MAP7: variants seen among roughly 807,000 people sequenced by gnomAD.
The protein encoded by MAP7 is ensconsin.
MAP7 carries 52 observed loss-of-function variants against 94.8 expected under a neutral mutation model. The observed-to-expected ratio is 0.55, with a 90% CI of 0.44 to 0.69. The LOEUF (loss-of-function observed/expected upper bound fraction) is 0.69. MAP7 is among the 30% of genes least tolerant of loss of function. The pLI is 0.00. For missense variants in MAP7, 940 were observed against 964.6 expected, an observed-to-expected ratio of 0.97 and a Z score of 0.34; for synonymous variants, 350 against 357.0, an observed-to-expected ratio of 0.98 and a Z score of 0.22.
At chr6:136,369,260 G>A (rs1269001150) in intron 8 of MAP7, among the ~76,000 whole-genome samples, 3 of 152,154 alleles carry the variant, frequency 2.0e-5, no homozygotes, top group African/African-American at 7.2e-5. Context: ...GTACTGTGTG[G>A]TAATGGTATC....
chr6:136,375,611 A>G (rs1775879009), intron 7 of MAP7, among the ~76,000 whole-genome samples: 1 of 152,238 alleles, frequency 6.6e-6, no homozygotes, highest in Admixed American at 6.5e-5. Context: ...TAATCGGAAG[A>G]GATGTTTGCA....
At chr6:136,516,497 A>G (rs1824885444) in intron 1 of MAP7, among the ~76,000 whole-genome samples, 1 of 152,162 alleles carries the variant, frequency 6.6e-6, no homozygotes, top group South Asian at 2.1e-4. Flanking sequence ...GTAGGTGTTG[A>G]CCAGGGAGAG....
Position 136,525,977 on chromosome 6 carries a change from TG to T in MAP7, c.67+24364del, listed in dbSNP as rs1827720265. ...CTGATCCAGGCATACCGCTGCTACT[TG>T]TTTTTTTTTTTTTTAATTGTGATTA... On this transcript the variant is annotated intron_variant, in intron 1 of 17. Coordinates refer to ENST00000354570, the MANE Select transcript of MAP7 (RefSeq NM_003980.6). 9.4e-6 allele frequency: 14 copies of T among 1,482,968 alleles called. No individual in the cohort carries two copies. The East Asian group carries it at 1.0e-4, about 11-fold the overall frequency. The allele number at this position is 1,482,968 out of a possible 1,614,324, so 91.9% of individuals were successfully genotyped here. A position where few individuals can be genotyped will look rare whatever the true frequency, so the allele number is the denominator to read the frequency against.
intron 1 of MAP7, among the ~76,000 whole-genome samples, chr6:136,548,976 T>G (rs977143076): frequency 6.6e-6 from 1 of 152,176 alleles, no homozygotes; most frequent in Admixed American, 6.5e-5. Flanking sequence ...AATAATGATC[T>G]ACCAATCTTG....
At chr6:136,549,224 T>G (rs1040390131) in intron 1 of MAP7, among the ~76,000 whole-genome samples, 11 of 152,180 alleles carry the variant, frequency 7.2e-5, no homozygotes, top group African/African-American at 2.7e-4. Context: ...ATTCTTACAT[T>G]TAGGAAACAA....
intron 1 of MAP7, among the ~76,000 whole-genome samples, chr6:136,445,897 A>G (rs2128866585): frequency 6.6e-6 from 1 of 152,330 alleles, no homozygotes; most frequent in Non-Finnish European, 1.5e-5. Context: ...TCACAACACA[A>G]TCAACACACA....
At chr6:136,387,679 A>T (rs1779545185) in intron 5 of MAP7, among the ~76,000 whole-genome samples, 1 of 152,146 alleles carries the variant, frequency 6.6e-6, no homozygotes, top group Non-Finnish European at 1.5e-5. Context: ...AAATCCAGAG[A>T]GGAGAATGAT....
At chr6:136,390,427 C>CA (rs1360381087) in intron 3 of MAP7, among the ~76,000 whole-genome samples, 1 of 152,008 alleles carries the variant, frequency 6.6e-6, no homozygotes, top group Non-Finnish European at 1.5e-5. Context: ...CTGAGGGGGG[C>CA]AGATCACTGG....
chr6:136,453,864 A>T (rs1371031304), intron 1 of MAP7, among the ~76,000 whole-genome samples: 3 of 152,240 alleles, frequency 2.0e-5, no homozygotes, highest in Non-Finnish European at 4.4e-5. Flanking sequence ...GTATTCAGCC[A>T]AAGCTGTTTA....
chr6:136,497,763 C>T (rs909217822), intron 1 of MAP7, among the ~76,000 whole-genome samples: 32 of 131,352 alleles, frequency 2.4e-4, no homozygotes, highest in African/African-American at 9.6e-4. Flanking sequence ...CGTGCCACTG[C>T]ACTCAGCCTG....
intron 1 of MAP7, among the ~76,000 whole-genome samples, chr6:136,533,268 A>G (rs1292757390): frequency 2.6e-5 from 4 of 152,168 alleles, no homozygotes; most frequent in East Asian, 1.9e-4. Flanking sequence ...GTGAAACGCC[A>G]TCTAAAACAA....
At chr6:136,476,032 A>G (rs549960354) in intron 1 of MAP7, 66 of 152,306 alleles carry the variant, frequency 4.3e-4, no homozygotes, top group African/African-American at 1.5e-3. Flanking sequence ...AATTCCACTT[A>G]TACATTCTTT....
intron 10 of MAP7, among the ~76,000 whole-genome samples, chr6:136,363,093 T>C (rs1157463845): frequency 2.6e-5 from 4 of 152,204 alleles, no homozygotes; most frequent in African/African-American, 4.8e-5. Context: ...CGGTAACCAT[T>C]CATTACTAGA....
intron 6 of MAP7, among the ~76,000 whole-genome samples, chr6:136,383,387 G>T (rs1778318852): frequency 6.6e-6 from 1 of 152,178 alleles, no homozygotes; most frequent in South Asian, 2.1e-4. Context: ...TGGATAAGTG[G>T]GTGATTTCTG....
intron 8 of MAP7, among the ~76,000 whole-genome samples, chr6:136,369,105 C>G (rs182809475): frequency 6.6e-6 from 1 of 152,348 alleles, no homozygotes; most frequent in Non-Finnish European, 1.5e-5. Flanking sequence ...GCTTTAGCAG[C>G]CTTAATCCAT....
At chr6:136,483,518 C>A (rs201448653) in intron 1 of MAP7, among the ~76,000 whole-genome samples, 1 of 151,838 alleles carries the variant, frequency 6.6e-6, no homozygotes, top group East Asian at 1.9e-4. Context: ...AAGTATTTTA[C>A]AAATTAAATT....
At chr6:136,354,083 A>C (rs992248336) in intron 16 of MAP7, among the ~76,000 whole-genome samples, 23 of 147,292 alleles carry the variant, frequency 1.6e-4, no homozygotes, top group Admixed American at 2.8e-4. Flanking sequence ...TGTAAAAATA[A>C]TACAAGTAAC....
chr6:136,438,028 T>C (rs572378023), intron 1 of MAP7, among the ~76,000 whole-genome samples: 6 of 152,266 alleles, frequency 3.9e-5, no homozygotes, highest in Non-Finnish European at 5.9e-5. Context: ...TCTAATATAG[T>C]ATCAGATTAA....
chr6:136,443,583 TG>T (rs1387946967), intron 1 of MAP7, among the ~76,000 whole-genome samples: 2 of 151,822 alleles, frequency 1.3e-5, no homozygotes, highest in East Asian at 3.9e-4. Flanking sequence ...CCTAAGTAGC[TG>T]GGACTACAAG....
Sources: gnomAD v4.1 joint callset for allele counts (sites outside exome capture counted in the v4.1 genomes callset) on GRCh38, gnomAD v4.1.1 for gene constraint, MANE v1.5 for transcripts, NCBI Gene and HGNC (gene_info 2026-07-23, HGNC 2026-07-21) for gene names.